Variants in PCDH15 observed in about 807,000 individuals in gnomAD.
The protein encoded by PCDH15 is protocadherin related 15.
In PCDH15, 129 loss-of-function variants were observed where a neutral mutation model predicts 178.5. That is an observed-to-expected ratio of 0.72 (90% confidence interval 0.63 to 0.84). The LOEUF (loss-of-function observed/expected upper bound fraction) is 0.84, where lower values mean the gene tolerates loss of function less well. Among genes scored for constraint, PCDH15 ranks in the 40% least tolerant of loss-of-function variants. The pLI, the probability that PCDH15 is intolerant of heterozygous loss-of-function variation, is 0.00. For missense variants in PCDH15, 2,230 were observed against 2,099.9 expected (o/e 1.06, Z -1.21); for synonymous variants, 800 against 732.0 (o/e 1.09, Z -1.50).
At chr10:54,290,313 G>A (rs1371551078) in intron 8 of PCDH15, among the ~76,000 whole-genome samples, 3 of 152,034 alleles carry the variant, frequency 2.0e-5, no homozygotes, top group African/African-American at 7.2e-5. Context: ...TAAGTGAAGG[G>A]GAAATAAAAT....
At chr10:54,035,136 A>G (rs1395420344) in intron 18 of PCDH15, among the ~76,000 whole-genome samples, 2 of 151,832 alleles carry the variant, frequency 1.3e-5, no homozygotes, top group Non-Finnish European at 2.9e-5. Context: ...ATGGAGTGTA[A>G]CTGTTCCACA....
intron 2 of PCDH15, among the ~76,000 whole-genome samples, chr10:55,094,135 A>C (rs1339982323): frequency 2.0e-5 from 3 of 152,164 alleles, no homozygotes; most frequent in East Asian, 1.9e-4. Context: ...AAGACTTGGA[A>C]CCAACCAAAA....
intron 2 of PCDH15, among the ~76,000 whole-genome samples, chr10:55,447,860 A>G (rs1422419494): frequency 6.6e-6 from 1 of 152,010 alleles, no homozygotes; most frequent in Non-Finnish European, 1.5e-5. Flanking sequence ...AGTGTGGAGT[A>G]TAAGTGTAAG....
At chr10:54,218,534 T>C (rs182762367) in intron 9 of PCDH15, among the ~76,000 whole-genome samples, 2 of 151,162 alleles carry the variant, frequency 1.3e-5, no homozygotes, top group East Asian at 3.9e-4. Flanking sequence ...ATCTCTTCCC[T>C]CTCTCTCTGT....
At chr10:55,266,745 G>A (rs1011302645) in intron 1 of PCDH15, among the ~76,000 whole-genome samples, 3 of 152,110 alleles carry the variant, frequency 2.0e-5, no homozygotes, top group Admixed American at 1.3e-4. Context: ...GCAGGTCATC[G>A]ACCAGCAGAA....
chr10:54,610,673 T>C (rs1281894931), intron 2 of PCDH15, among the ~76,000 whole-genome samples: 1 of 151,882 alleles, frequency 6.6e-6, no homozygotes, highest in African/African-American at 2.4e-5. Context: ...TAGAGTTCTG[T>C]TTTGCTGTGC....
chr10:54,648,503 C>T (rs2094183330), intron 2 of PCDH15, among the ~76,000 whole-genome samples: 1 of 152,052 alleles, frequency 6.6e-6, no homozygotes. Context: ...GGTTGGGCAC[C>T]TAGTAGCCCC....
chr10:54,214,289 G>A (rs954161412), intron 9 of PCDH15, among the ~76,000 whole-genome samples: 3 of 151,910 alleles, frequency 2.0e-5, no homozygotes, highest in Non-Finnish European at 4.4e-5. Flanking sequence ...TTATTAAGAG[G>A]GCTCTAATTA....
At chr10:55,559,172 A>G (rs1339710023) in intron 2 of PCDH15, among the ~76,000 whole-genome samples, 4 of 152,072 alleles carry the variant, frequency 2.6e-5, no homozygotes, top group Non-Finnish European at 1.5e-5. Context: ...ACAGATGATC[A>G]GGTAGGACAA....
chr10:53,806,416 T>TGTGA lies in PCDH15; in HGVS notation c.*159_*162dup, dbSNP rs529443256. The TGTGA allele has an allele frequency of 3.3e-5, 20 of 610,218 alleles. No individual in the cohort carries two copies. Among genetic ancestry groups the TGTGA allele is most frequent in the South Asian group, 1.3e-4 (5 of 39,702 alleles). 37.8% of individuals were successfully genotyped at this position (610,218 alleles called of 1,614,324 possible). On this transcript the variant is annotated 3_prime_UTR_variant, in exon 38 of 38. Coordinates refer to ENST00000644397, the MANE Select transcript of PCDH15 (RefSeq NM_001384140.1). Reference sequence around the variant, plus strand: ...GGGAAAAACGATTAATTGATAACAATGTGAGTGCAAATCTGTCTCTTAAAA... The same window carrying TGTGA: ...GGGAAAAACGATTAATTGATAACAATGTGAGTGAGTGCAAATCTGTCTCTTAAAA...
Position 54,236,856 on chromosome 10 carries a change from C to G in PCDH15, c.952G>C (p.Asp318His), listed in dbSNP as rs747921916. The G allele has an allele frequency of 6.6e-5, 107 of 1,613,560 alleles. No individual in the cohort carries two copies. The highest frequency in any genetic ancestry group is 8.9e-5 in the Non-Finnish European group (105 of 1,179,632). Reference protein sequence around the residue: ...DQDRNIQPPSDRPGILYSILV... With the variant: ...DQDRNIQPPSHRPGILYSILV... ...ATGGAATAGAGGATTCCTGGCCTAT[C>G]TGATGGCGGTTGAATATTCCGGTCC... The change falls in exon 9 of 38, where the codon GAT becomes CAT. Residue 318 changes from aspartate (D) to histidine (H), a missense_variant. Coordinates refer to ENST00000644397, the MANE Select transcript of PCDH15 (RefSeq NM_001384140.1).
chr10:54,798,056 A>G (rs1481459181), intron 1 of PCDH15, among the ~76,000 whole-genome samples: 1 of 152,028 alleles, frequency 6.6e-6, no homozygotes, highest in Admixed American at 6.6e-5. Context: ...TCTTGTCACC[A>G]TTTCAACCTA....
At chr10:54,122,044 C>G (rs371027064) in intron 15 of PCDH15, among the ~76,000 whole-genome samples, 1 of 151,088 alleles carries the variant, frequency 6.6e-6, no homozygotes, top group Admixed American at 6.6e-5. Context: ...GAGACAGACA[C>G]ACACACACAC....
At chr10:55,501,240 C>T (rs1227015546) in intron 2 of PCDH15, among the ~76,000 whole-genome samples, 1 of 151,672 alleles carries the variant, frequency 6.6e-6, no homozygotes, top group Non-Finnish European at 1.5e-5. Flanking sequence ...GAGGGATCCA[C>T]CTCAAAGGCT....
chr10:53,818,956 T>C (rs1471806848), intron 33 of PCDH15, among the ~76,000 whole-genome samples: 1 of 152,066 alleles, frequency 6.6e-6, no homozygotes, highest in African/African-American at 2.4e-5. Flanking sequence ...GTATGGTTTA[T>C]GCATTGTATA....
intron 2 of PCDH15, among the ~76,000 whole-genome samples, chr10:55,614,428 T>C (rs1369169985): frequency 6.6e-6 from 1 of 152,178 alleles, no homozygotes; most frequent in Non-Finnish European, 1.5e-5. Flanking sequence ...GAAAACCAAG[T>C]AGCTACCTAA....
At chr10:53,940,841 G>T in intron 24 of PCDH15, 25 bp downstream of exon 24, 1 of 1,515,492 alleles carries the variant, frequency 6.6e-7, no homozygotes, top group Non-Finnish European at 9.2e-7. Flanking sequence ...TTGATGGTGA[G>T]AACACAAACT....
At position 54,703,147 on chromosome 10, in the gene PCDH15, T is replaced by C. The variant is rs144069969; in HGVS notation, c.-28-38857A>G. Among the ~76,000 whole-genome samples the C allele has an allele frequency of 1.1e-4, 16 of 152,218 alleles. No homozygotes were observed. In the East Asian group the frequency reaches 2.1e-3, roughly 20 times the overall value. ...AAATCCACATGATCATCTCAATAGA[T>C]GCAGAAAAGTCTGTTGATAAAATTC... On this transcript the variant is annotated intron_variant, in intron 1 of 37. Transcript: ENST00000644397.
chr10:55,194,735 C>T (rs1840036183), intron 1 of PCDH15, among the ~76,000 whole-genome samples: 1 of 151,650 alleles, frequency 6.6e-6, no homozygotes, highest in Admixed American at 6.6e-5. Context: ...TAGACATATA[C>T]CCAGTAAAAA....
Sources: gnomAD v4.1 joint callset for allele counts (sites outside exome capture counted in the v4.1 genomes callset) on GRCh38, gnomAD v4.1.1 for gene constraint, MANE v1.5 for transcripts, NCBI Gene and HGNC (gene_info 2026-07-23, HGNC 2026-07-21) for gene names.